The following SLC11A2 variants were observed in gnomAD, a reference collection of about 807,000 sequenced individuals.
The protein encoded by SLC11A2 is solute carrier family 11 member 2.
Under a neutral mutation model 68.0 loss-of-function variants are expected in SLC11A2, and 38 were observed. The ratio of observed to expected loss-of-function variants is 0.56; its 90% CI spans 0.43 to 0.73. The LOEUF (loss-of-function observed/expected upper bound fraction) is 0.73. Ranked by LOEUF, SLC11A2 falls within the 30% of genes least tolerant of loss-of-function variation. The probability of loss-of-function intolerance (pLI) is 0.00; values close to 1 mark genes in which losing one functional copy is unlikely to be tolerated. For synonymous variants in SLC11A2, 242 were observed against 250.6 expected (o/e 0.97, Z 0.32); for missense variants, 517 against 690.5 (o/e 0.75, Z 2.82).
downstream of SLC11A2, among the ~76,000 whole-genome samples, chr12:50,977,050 C>T (rs1417586494): frequency 3.9e-5 from 6 of 152,114 alleles, no homozygotes; most frequent in South Asian, 2.1e-4. Flanking sequence ...GAATCAATAT[C>T]GTGAAAACGG....
chr12:51,022,583 T>A (rs534597269), intron 1 of SLC11A2, among the ~76,000 whole-genome samples: 7 of 152,302 alleles, frequency 4.6e-5, no homozygotes, highest in African/African-American at 1.2e-4. Flanking sequence ...CCATTTTTCC[T>A]AATGATGGAT....
At chr12:50,984,130 G>GA (rs34060406), downstream of SLC11A2, among the ~76,000 whole-genome samples, 165 of 134,328 alleles carry the variant, frequency 1.2e-3, no homozygotes, top group Non-Finnish European at 1.2e-3. Flanking sequence ...CTCCATCTCA[G>GA]AAAAAAAAAA....
Position 50,990,908 on chromosome 12 carries a change from A to C in SLC11A2, c.1462T>G (p.Cys488Gly), listed in dbSNP as rs1374503370. The change falls in exon 15 of 16, where the codon TGT becomes GGT. Residue 488 changes from cysteine (C) to glycine (G), a missense_variant. By Grantham distance (159) the Cys-to-Gly change is radical (BLOSUM62 -3). Transcript: ENST00000262052. ...IAGGILVLIICSINMYFVVVY... is the reference protein window; with the variant it reads ...IAGGILVLIIGSINMYFVVVY... Reference sequence around the variant, plus strand: ...ACTACAAAGTACATATTGATGGAACAGATGATAAGGACCAAGATTCCTCCT... The same window carrying C: ...ACTACAAAGTACATATTGATGGAACCGATGATAAGGACCAAGATTCCTCCT... 1.2e-6 allele frequency: 2 copies of C among 1,614,000 alleles called. No homozygotes were observed. Among genetic ancestry groups the C allele is most frequent in the Non-Finnish European group, 1.7e-6 (2 of 1,179,960 alleles).
intron 1 of SLC11A2, among the ~76,000 whole-genome samples, chr12:51,012,365 C>T (rs1393673434): frequency 6.6e-6 from 1 of 152,034 alleles, no homozygotes; most frequent in African/African-American, 2.4e-5. Context: ...AAAAATGTTT[C>T]AATCTTCTTA....
chr12:50,958,025 C>G, the SLC11A2 span, among the ~76,000 whole-genome samples: 1 of 147,810 alleles, frequency 6.8e-6, no homozygotes. Context: ...AGGCTGGTCC[C>G]GAACTTCTGA....
chr12:50,958,063 G>C, the SLC11A2 span, among the ~76,000 whole-genome samples: 27,436 of 150,156 alleles, frequency 0.18, 2,843 homozygotes, highest in East Asian at 0.5. Flanking sequence ...GCCTTGGCCT[G>C]CCAAAGTGCT....
Position 50,994,610 on chromosome 12 carries a change from G to GTATTTGTACAGACT in SLC11A2, c.1010_1011insAGTCTGTACAAATA (p.Ser338ValfsTer56). On this transcript the variant is annotated frameshift_variant, in exon 11 of 16. Transcript: ENST00000262052. LOFTEE classifies it high-confidence loss of function. ...GAAAGAGGCCAGCATGAGGACTGCTGGTATTTGTACAGACTTCAACCTAGA... is the reference window on the plus strand; with the variant it reads ...GAAAGAGGCCAGCATGAGGACTGCTGTATTTGTACAGACTGTATTTGTACAGACTTCAACCTAGA... 1.9e-6 allele frequency: 3 copies of GTATTTGTACAGACT among 1,612,044 alleles called. No individual in the cohort carries two copies. Among genetic ancestry groups the GTATTTGTACAGACT allele is most frequent in the Non-Finnish European group, 2.5e-6 (3 of 1,178,098 alleles).
At chr12:51,020,864 G>A (rs903945889) in intron 1 of SLC11A2, among the ~76,000 whole-genome samples, 1 of 152,160 alleles carries the variant, frequency 6.6e-6, no homozygotes, top group African/African-American at 2.4e-5. Context: ...AGCACTTTGG[G>A]AGGCTGAGGC....
At chr12:51,015,452 G>A (rs1943574745) in intron 1 of SLC11A2, among the ~76,000 whole-genome samples, 1 of 151,476 alleles carries the variant, frequency 6.6e-6, no homozygotes, top group Non-Finnish European at 1.5e-5. Flanking sequence ...TCCAGCCTGG[G>A]CAACAGAGCA....
the SLC11A2 span, among the ~76,000 whole-genome samples, chr12:50,967,757 C>T: frequency 6.6e-6 from 1 of 152,094 alleles, no homozygotes; most frequent in Non-Finnish European, 1.5e-5. Flanking sequence ...TCTGGAAGTA[C>T]TTCTAATTCC....
chr12:51,027,032 C>T (rs35656976), upstream of SLC11A2, among the ~76,000 whole-genome samples: 25,410 of 152,056 alleles, frequency 0.17, 2,437 homozygotes, highest in South Asian at 0.27. Context: ...CAAAATTAGC[C>T]GGGCGTGGTG....
At chr12:50,961,748 G>A in the SLC11A2 span, among the ~76,000 whole-genome samples, 1 of 152,132 alleles carries the variant, frequency 6.6e-6, no homozygotes, top group African/African-American at 2.4e-5. Flanking sequence ...CTACATTAAT[G>A]AGAACAGGTC....
the SLC11A2 span, among the ~76,000 whole-genome samples, chr12:50,955,080 T>A: frequency 2.6e-5 from 4 of 152,020 alleles, no homozygotes; most frequent in African/African-American, 9.7e-5. Context: ...TCACTTGAGG[T>A]CAGGAATTCA....
the SLC11A2 span, among the ~76,000 whole-genome samples, chr12:50,969,719 A>AC: frequency 4.6e-5 from 7 of 151,578 alleles, no homozygotes; most frequent in African/African-American, 1.7e-4. Flanking sequence ...AAAAAAACAA[A>AC]AACAAAACGT....
intron 1 of SLC11A2, among the ~76,000 whole-genome samples, chr12:51,022,166 T>C (rs1944090347): frequency 6.6e-6 from 1 of 152,134 alleles, no homozygotes; most frequent in African/African-American, 2.4e-5. Flanking sequence ...TACAGCAGTG[T>C]GTTTCCTTTT....
chr12:51,008,272 A>AGACC (rs1942917430), intron 3 of SLC11A2: 1 of 503,570 alleles, frequency 2.0e-6, no homozygotes, highest in Non-Finnish European at 3.5e-6. Context: ...ACGGACAGAC[A>AGACC]GACAGACAGA....
At position 50,988,065 on chromosome 12, in the gene SLC11A2, CT is replaced by C. The variant is rs1229346397; in HGVS notation, c.*259del. ...AACTGAGCTGGCCCTTGGGCAACTA[CT>C]TAAGAATTTAGTGTTGGAATGATAG... On this transcript the variant is annotated 3_prime_UTR_variant, in exon 16 of 16. Transcript: ENST00000262052. 8.5e-6 allele frequency: 12 copies of C among 1,416,758 alleles called. No homozygotes were observed. The African/African-American group carries it at 1.7e-4, about 20-fold the overall frequency. 87.8% of individuals were successfully genotyped at this position (1,416,758 alleles called of 1,614,324 possible). A position where few individuals can be genotyped will look rare whatever the true frequency, so the allele number is the denominator to read the frequency against.
downstream of SLC11A2, among the ~76,000 whole-genome samples, chr12:50,977,880 G>A (rs1939870184): frequency 6.6e-6 from 1 of 152,102 alleles, no homozygotes; most frequent in South Asian, 2.1e-4. Flanking sequence ...GCAGCCAACA[G>A]ACACATGAAA....
chr12:50,981,573 A>G, downstream of SLC11A2: 1 of 629,410 alleles, frequency 1.6e-6, no homozygotes, highest in East Asian at 3.0e-5. Flanking sequence ...TATAGCTGTC[A>G]GTTTTGAACA....
Sources: allele counts gnomAD v4.1 joint callset (sites outside exome capture counted in the v4.1 genomes callset), GRCh38; gene constraint gnomAD v4.1.1; transcripts MANE v1.5; gene names NCBI Gene and HGNC (gene_info 2026-07-23, HGNC 2026-07-21).